Variants in ITGA9 observed in about 807,000 individuals in gnomAD.
ITGA9 encodes the protein integrin alpha-9.
Under a neutral mutation model 127.8 loss-of-function variants are expected in ITGA9, and 56 were observed. That is an observed-to-expected ratio of 0.44 (90% confidence interval 0.35 to 0.55). The LOEUF (loss-of-function observed/expected upper bound fraction) is 0.55. ITGA9 is among the 20% of genes least tolerant of loss of function. The pLI, the probability that ITGA9 is intolerant of heterozygous loss-of-function variation, is 0.00. For synonymous variants in ITGA9, 508 were observed against 514.5 expected, an observed-to-expected ratio of 0.99 and a Z score of 0.17; for missense variants, 1,196 against 1,347.1, an observed-to-expected ratio of 0.89 and a Z score of 1.76.
chr3:37,739,117 G>A (rs1451355830), intron 20 of ITGA9, among the ~76,000 whole-genome samples: 2 of 152,232 alleles, frequency 1.3e-5, no homozygotes, highest in South Asian at 2.1e-4. Context: ...TCTGTGCTGG[G>A]CACATTTTCA....
chr3:37,575,652 G>A (rs1699647646), intron 15 of ITGA9, among the ~76,000 whole-genome samples: 1 of 151,854 alleles, frequency 6.6e-6, no homozygotes, highest in Non-Finnish European at 1.5e-5. Context: ...TGTGTTGACT[G>A]GGGAATCAGT....
chr3:37,755,223 T>C (rs1696636366), intron 23 of ITGA9, among the ~76,000 whole-genome samples: 1 of 152,062 alleles, frequency 6.6e-6, no homozygotes. Context: ...ACACAGCTGC[T>C]AAAAAGTAGA....
At chr3:37,478,631 T>G (rs1321366479) in intron 3 of ITGA9, among the ~76,000 whole-genome samples, 2 of 152,174 alleles carry the variant, frequency 1.3e-5, no homozygotes, top group African/African-American at 4.8e-5. Flanking sequence ...TTGGAGAGAT[T>G]GATGGAGTTA....
Position 37,524,285 on chromosome 3 carries a change from A to G in ITGA9, c.1327+674A>G, listed in dbSNP as rs575596434. Reference sequence around the variant, plus strand: ...GGGGTAAGGTAAGGAAACAACAGTAAGAATTTGAAAAAATCCAGAATGGTC... The same window carrying G: ...GGGGTAAGGTAAGGAAACAACAGTAGGAATTTGAAAAAATCCAGAATGGTC... On this transcript the variant is annotated intron_variant, in intron 12 of 27. Coordinates refer to ENST00000264741, the MANE Select transcript of ITGA9 (RefSeq NM_002207.3). Among the ~76,000 whole-genome samples the G allele has an allele frequency of 3.9e-5, 6 of 152,354 alleles. 1 individual carries two copies. Among genetic ancestry groups the G allele is most frequent in the African/African-American group, 1.4e-4 (6 of 41,582 alleles).
intron 23 of ITGA9, 140 bp from the exon 24 acceptor site, chr3:37,777,252 G>A: frequency 4.3e-6 from 4 of 929,198 alleles, no homozygotes; most frequent in Non-Finnish European, 6.8e-6. Flanking sequence ...CAGCTTTTCA[G>A]CCATTGTTCT....
At chr3:37,488,526 G>T (rs1305023693) in intron 4 of ITGA9, among the ~76,000 whole-genome samples, 1 of 152,084 alleles carries the variant, frequency 6.6e-6, no homozygotes, top group Non-Finnish European at 1.5e-5. Context: ...GCCAGGCGTG[G>T]TGGCTCATAC....
At chr3:37,667,041 C>G (rs1440815934) in intron 17 of ITGA9, among the ~76,000 whole-genome samples, 1 of 152,138 alleles carries the variant, frequency 6.6e-6, no homozygotes, top group Non-Finnish European at 1.5e-5. Context: ...AATGCAGACA[C>G]TGGCAGCTGA....
intron 26 of ITGA9, 85 bp from the exon 27 acceptor site, chr3:37,803,738 C>A: frequency 6.6e-7 from 1 of 1,515,388 alleles, no homozygotes; most frequent in Non-Finnish European, 9.1e-7. Flanking sequence ...TGTGCCATTG[C>A]ACTCCAGCCT....
intron 11 of ITGA9, 139 bp downstream of exon 11, chr3:37,519,493 A>G (rs1275636139): frequency 2.8e-6 from 2 of 720,500 alleles, no homozygotes; most frequent in Admixed American, 2.1e-5. Flanking sequence ...CTTTTGTGAA[A>G]GATACAATTA....
intron 22 of ITGA9, among the ~76,000 whole-genome samples, chr3:37,750,067 T>G (rs1696562944): frequency 6.9e-6 from 1 of 144,490 alleles, no homozygotes; most frequent in South Asian, 2.5e-4. Context: ...AAAATGTGTT[T>G]TAACAAGCCC....
chr3:37,739,228 C>G (rs534548823), intron 20 of ITGA9, among the ~76,000 whole-genome samples: 1 of 152,310 alleles, frequency 6.6e-6, no homozygotes, highest in Non-Finnish European at 1.5e-5. Flanking sequence ...AAGAACACCC[C>G]CTATGTACAT....
intron 6 of ITGA9, among the ~76,000 whole-genome samples, chr3:37,504,833 A>G (rs1033042742): frequency 1.1e-4 from 17 of 152,180 alleles, no homozygotes; most frequent in Non-Finnish European, 5.9e-5. Context: ...TGATCATGAT[A>G]TGATGTCATC....
chr3:37,597,508 A>G lies in ITGA9; in HGVS notation c.1690-31679A>G, dbSNP rs540888744. Among the ~76,000 whole-genome samples the G allele has an allele frequency of 3.9e-4, 60 of 152,328 alleles. 1 individual carries two copies. Among genetic ancestry groups the G allele is most frequent in the African/African-American group, 1.4e-3 (57 of 41,580 alleles). On this transcript the variant is annotated intron_variant, in intron 15 of 27. Transcript: ENST00000264741. This position sits in a 1 kb window ranked among gnomAD's most constrained non-coding sequence, Gnocchi z 4.6. ...GCAGGATACGAGGTAGAACTCCCAC[A>G]GTTTCCTCATCTCTATTGTACATAG...
chr3:37,519,116 T>A (rs1327771638), intron 10 of ITGA9, 144 bp from the exon 11 acceptor site: 1 of 656,224 alleles, frequency 1.5e-6, no homozygotes, highest in Non-Finnish European at 2.8e-6. Context: ...CGCTGAGGGA[T>A]CTTGTCCCCA....
chr3:37,762,586 C>T (rs1696735756), intron 23 of ITGA9, among the ~76,000 whole-genome samples: 2 of 152,232 alleles, frequency 1.3e-5, no homozygotes, highest in Admixed American at 1.3e-4. Context: ...TGGGAAAGGC[C>T]TGGAAAGAGA....
At chr3:37,515,092 A>G (rs1579078878) in intron 9 of ITGA9, among the ~76,000 whole-genome samples, 1 of 152,326 alleles carries the variant, frequency 6.6e-6, no homozygotes, top group Middle Eastern at 3.4e-3. Context: ...TGGTTCAATG[A>G]AAACATTCTG....
chr3:37,574,054 T>C (rs1699628989), intron 15 of ITGA9, among the ~76,000 whole-genome samples: 2 of 152,274 alleles, frequency 1.3e-5, no homozygotes, highest in African/African-American at 4.8e-5. Flanking sequence ...CCATGTACTA[T>C]CTAAAAAGGG....
intron 1 of ITGA9, among the ~76,000 whole-genome samples, chr3:37,462,480 C>A (rs770871892): frequency 6.6e-5 from 10 of 152,234 alleles, no homozygotes; most frequent in Non-Finnish European, 1.5e-4. Flanking sequence ...TTATGCAGAG[C>A]AGGCTACCAC....
chr3:37,559,280 A>T (rs1047031190), intron 15 of ITGA9, among the ~76,000 whole-genome samples: 27 of 152,222 alleles, frequency 1.8e-4, no homozygotes, highest in Middle Eastern at 3.4e-3. Flanking sequence ...GTGAGCACAC[A>T]CACACACACA....
Sources: allele counts gnomAD v4.1 joint callset (sites outside exome capture counted in the v4.1 genomes callset), GRCh38; gene constraint gnomAD v4.1.1; non-coding constraint Gnocchi (gnomAD v3.1); transcripts MANE v1.5; gene names NCBI Gene and HGNC (gene_info 2026-07-23, HGNC 2026-07-21).